The following MAGEC3 variants were observed in gnomAD, a reference collection of about 807,000 sequenced individuals.
MAGEC3 encodes the protein melanoma-associated antigen C3.
In MAGEC3, 34 loss-of-function variants were observed where a neutral mutation model predicts 35.3. That is an observed-to-expected ratio of 0.96 (90% CI 0.73 to 1.28). The LOEUF (loss-of-function observed/expected upper bound fraction) is 1.28, where lower values mean the gene tolerates loss of function less well. Among genes scored for constraint, MAGEC3 ranks in the 50% most tolerant of loss-of-function variants. The probability of loss-of-function intolerance (pLI) is 0.00; values close to 1 mark genes in which losing one functional copy is unlikely to be tolerated. For synonymous variants in MAGEC3, 202 were observed against 185.6 expected, an observed-to-expected ratio of 1.09 and a Z score of -0.72; for missense variants, 561 against 483.6, an observed-to-expected ratio of 1.16 and a Z score of -1.50.
chrX:141,841,960 A>G (rs1208738822), intron 1 of MAGEC3, among the ~76,000 whole-genome samples: 2 of 111,618 alleles, frequency 1.8e-5, no homozygotes, highest in Non-Finnish European at 3.8e-5. Flanking sequence ...AATGATGTGT[A>G]TTGAAAGAAG....
chrX:141,882,882 A>G lies in MAGEC3; in HGVS notation c.909+1086A>G, dbSNP rs757630233. Among the ~76,000 whole-genome samples the G allele has an allele frequency of 3.6e-5, 4 of 112,140 alleles. No homozygotes were observed. In the South Asian group the frequency reaches 1.5e-3, roughly 42 times the overall value. On this transcript the variant is annotated intron_variant, in intron 4 of 7. Coordinates refer to ENST00000298296, the MANE Select transcript of MAGEC3 (RefSeq NM_138702.1). ...AGGTGAGACTCCAGATGGAGTCTTC[A>G]AGTATAAAGTCCCTGAGCTAAGGTA...
intron 3 of MAGEC3, chrX:141,880,903 C>G (rs779159165): frequency 1.2e-6 from 1 of 869,415 alleles, no homozygotes; most frequent in Non-Finnish European, 1.7e-6. Context: ...GTGTCCCTCT[C>G]TCCCTCAGGC....
At chrX:141,895,150 G>A in intron 4 of MAGEC3, 119 bp from the exon 5 acceptor site, 1 of 845,809 alleles carries the variant, frequency 1.2e-6, no homozygotes, top group African/African-American at 2.1e-5. Flanking sequence ...GGGCGCTGAG[G>A]AGGGCAGGAA....
chrX:141,863,523 A>G (rs1236087017), intron 1 of MAGEC3, among the ~76,000 whole-genome samples: 2 of 112,210 alleles, frequency 1.8e-5, no homozygotes, highest in African/African-American at 6.5e-5. Context: ...TACGTGTACC[A>G]CATTACAAGA....
At position 141,890,278 on chromosome X, in the gene MAGEC3, C is replaced by T. The variant is rs1004869581; in HGVS notation, c.910-4991C>T. On this transcript the variant is annotated intron_variant, in intron 4 of 7. Coordinates refer to ENST00000298296, the MANE Select transcript of MAGEC3 (RefSeq NM_138702.1). ...GGAGTGTAGTGGTGTGAACTCGGCT[C>T]ACTGCGAACTCTGCCTCCCGAGTTC... is the stretch of plus-strand genomic sequence containing the variant. Among the ~76,000 whole-genome samples the T allele has an allele frequency of 2.7e-5, 3 of 111,292 alleles. No individual in the cohort carries two copies. The Admixed American group carries it at 2.9e-4, about 11-fold the overall frequency.
intron 1 of MAGEC3, chrX:141,839,688 A>T (rs1019450091): frequency 1.3e-4 from 98 of 738,697 alleles, no homozygotes; most frequent in Non-Finnish European, 1.5e-4. Context: ...TAATATGTCA[A>T]ATGCTTTACT....
At chrX:141,838,958 A>T in intron 1 of MAGEC3, 1 of 533,244 alleles carries the variant, frequency 1.9e-6, no homozygotes, top group Non-Finnish European at 2.3e-6. Flanking sequence ...AGTCTCAAGA[A>T]GTGTGAGGGA....
chrX:141,863,660 C>T (rs1180642899), intron 1 of MAGEC3, among the ~76,000 whole-genome samples: 1 of 110,833 alleles, frequency 9.0e-6, no homozygotes, highest in Non-Finnish European at 1.9e-5. Flanking sequence ...TTAAAATATG[C>T]AAGGTATTTG....
intron 2 of MAGEC3, among the ~76,000 whole-genome samples, chrX:141,876,720 G>A (rs1204873204): frequency 8.9e-6 from 1 of 112,132 alleles, no homozygotes; most frequent in African/African-American, 3.2e-5. Context: ...TGTTTAATAT[G>A]AAAAAGGGTT....
At chrX:141,840,965 T>G (rs967570413) in intron 1 of MAGEC3, among the ~76,000 whole-genome samples, 2 of 111,462 alleles carry the variant, frequency 1.8e-5, no homozygotes, top group Non-Finnish European at 3.8e-5. Context: ...TAAATATGTT[T>G]AATATTAAAT....
At chrX:141,849,813 C>T (rs1048159653) in intron 1 of MAGEC3, among the ~76,000 whole-genome samples, 5 of 111,059 alleles carry the variant, frequency 4.5e-5, no homozygotes, top group Non-Finnish European at 7.6e-5. Context: ...TCTTCAGCCA[C>T]GGTGGAAAGG....
chrX:141,852,473 G>A (rs181318194), intron 1 of MAGEC3, among the ~76,000 whole-genome samples: 2 of 110,494 alleles, frequency 1.8e-5, no homozygotes, highest in African/African-American at 6.5e-5. Flanking sequence ...TATACTTTCA[G>A]CTCTATGTTG....
At chrX:141,891,451 T>C (rs1028440103) in intron 4 of MAGEC3, among the ~76,000 whole-genome samples, 4 of 110,366 alleles carry the variant, frequency 3.6e-5, no homozygotes, top group African/African-American at 1.3e-4. Flanking sequence ...TCCTCTTCCT[T>C]TTATTAGGCT....
intron 1 of MAGEC3, among the ~76,000 whole-genome samples, chrX:141,864,727 C>T (rs758852262): frequency 1.4e-3 from 158 of 111,295 alleles, no homozygotes; most frequent in African/African-American, 5.0e-3. Flanking sequence ...ACCCCCACAA[C>T]ACAAGTTTAC....
intron 1 of MAGEC3, among the ~76,000 whole-genome samples, chrX:141,841,692 C>G (rs1421087951): frequency 9.0e-6 from 1 of 111,717 alleles, no homozygotes; most frequent in Non-Finnish European, 1.9e-5. Flanking sequence ...TGGGACTGAT[C>G]AATTTGCCTC....
intron 1 of MAGEC3, chrX:141,838,917 C>G: frequency 4.3e-6 from 3 of 701,339 alleles, no homozygotes; most frequent in Non-Finnish European, 5.1e-6. Context: ...GAGGGCAGGG[C>G]TCTAAAATGG....
In MAGEC3 at chrX:141,895,261, G is replaced by A; in HGVS notation, c.910-8G>A. The A allele has an allele frequency of 1.7e-6, 2 of 1,205,778 alleles. No homozygotes were observed. Among genetic ancestry groups the A allele is most frequent in the Non-Finnish European group, 2.2e-6 (2 of 891,292 alleles). On this transcript the variant is annotated splice_region_variant and splice_polypyrimidine_tract_variant and intron_variant, in intron 4 of 7. Transcript: ENST00000298296. ...GGAGGCCCCACCCCACGCTGCCTCT[G>A]CTGTCAGCCCTGGTCAGCCTTGGCA... is the stretch of plus-strand genomic sequence containing the variant.
intron 1 of MAGEC3, among the ~76,000 whole-genome samples, chrX:141,842,262 C>A (rs1437373588): frequency 9.0e-6 from 1 of 111,249 alleles, no homozygotes; most frequent in South Asian, 3.7e-4. Flanking sequence ...TGAAAACTAG[C>A]AAGGAATGAA....
chrX:141,849,316 A>T (rs1254152756), intron 1 of MAGEC3, among the ~76,000 whole-genome samples: 5 of 111,364 alleles, frequency 4.5e-5, no homozygotes, highest in Non-Finnish European at 9.5e-5. Flanking sequence ...AAGACCTCAG[A>T]CTATAAATAT....
Sources: allele counts gnomAD v4.1 joint callset (sites outside exome capture counted in the v4.1 genomes callset), GRCh38; gene constraint gnomAD v4.1.1; transcripts MANE v1.5; gene names NCBI Gene and HGNC (gene_info 2026-07-23, HGNC 2026-07-21).